Variants in HIVEP3 observed in about 807,000 individuals in gnomAD.
HIVEP3 encodes the protein HIVEP zinc finger 3, also known as transcription factor HIVEP3.
In HIVEP3, 49 loss-of-function variants were observed where a neutral mutation model predicts 152.8. The ratio of observed to expected loss-of-function variants is 0.32; its 90% CI spans 0.26 to 0.41. The LOEUF (loss-of-function observed/expected upper bound fraction) is 0.41, where lower values mean the gene tolerates loss of function less well. Among genes scored for constraint, HIVEP3 ranks in the 10% least tolerant of loss-of-function variants. HIVEP3 has a pLI of 1.00. For synonymous variants in HIVEP3, 1,269 were observed against 1,289.0 expected, an observed-to-expected ratio of 0.98 and a Z score of 0.33; for missense variants, 2,790 against 3,103.3, an observed-to-expected ratio of 0.90 and a Z score of 2.40.
intron 1 of HIVEP3, among the ~76,000 whole-genome samples, chr1:41,865,109 A>G (rs1394101745): frequency 6.6e-6 from 1 of 152,222 alleles, no homozygotes; most frequent in African/African-American, 2.4e-5. Context: ...TTCTCAATGT[A>G]GACACTTGGA....
intron 3 of HIVEP3, among the ~76,000 whole-genome samples, chr1:41,600,579 G>T (rs1206558169): frequency 1.3e-5 from 2 of 152,148 alleles, no homozygotes; most frequent in African/African-American, 2.4e-5. Flanking sequence ...TGTTTTATGG[G>T]TATACAGTTT....
rs1642860687 is a variant in HIVEP3 at position 41,525,039 on chromosome 1, C to T, written c.5208-129G>A. 5 of 836,584 alleles carry T rather than the reference C, an allele frequency of 6.0e-6. No homozygotes were observed. In the South Asian group the frequency reaches 8.7e-5, roughly 15 times the overall value. 51.8% of individuals were successfully genotyped at this position (836,584 alleles called of 1,614,324 possible). The stretch of plus-strand genomic sequence containing the variant: ...ACGCAAGGAATGGAGGCCACGGAAC[C>T]AGAGAGGACCACGAGAGTGGGAGGA... On this transcript the variant is annotated intron_variant, in intron 5 of 8. Coordinates refer to ENST00000372583, the MANE Select transcript of HIVEP3 (RefSeq NM_024503.5).
chr1:41,769,371 C>T (rs1648208121), intron 1 of HIVEP3, among the ~76,000 whole-genome samples: 1 of 152,190 alleles, frequency 6.6e-6, no homozygotes, highest in African/African-American at 2.4e-5. Context: ...TTTATCTCCC[C>T]CTGTCCCACT....
chr1:42,003,626 C>T (rs1158154670), intron 1 of HIVEP3, among the ~76,000 whole-genome samples: 3 of 152,136 alleles, frequency 2.0e-5, no homozygotes, highest in Admixed American at 2.0e-4. Flanking sequence ...ATGCCCCTCC[C>T]ATGAGGCTGC....
rs1163700365 is a variant in HIVEP3, at chr1:41,582,050, T to C, written c.2748A>G (p.Ser916=). ...AGGACTCGAAGCTGGACTCCCCTGATGATTGGGCCATCTCTGCCAGGCGCA... is the reference window on the plus strand; with the variant it reads ...AGGACTCGAAGCTGGACTCCCCTGACGATTGGGCCATCTCTGCCAGGCGCA... ...KRLRLAEMAQ[S]SGESSFESSV... is the part of the protein sequence containing the mutation. The change falls in exon 4 of 9, where the codon TCA becomes TCG. Residue 916 remains serine (S), a synonymous_variant. Transcript: ENST00000372583. This position sits in a 1 kb window ranked among gnomAD's most constrained non-coding sequence, Gnocchi z 4.7. The C allele has an allele frequency of 6.2e-7, 1 of 1,614,124 alleles. No individual in the cohort carries two copies. Among genetic ancestry groups the C allele is most frequent in the South Asian group, 1.1e-5 (1 of 91,072 alleles).
chr1:41,900,238 G>A (rs1644598717), intron 1 of HIVEP3, among the ~76,000 whole-genome samples: 1 of 152,110 alleles, frequency 6.6e-6, no homozygotes, highest in East Asian at 1.9e-4. Context: ...GGTCCCACAA[G>A]CCCTGTCCTA....
chr1:41,748,248 C>T (rs927842577), intron 1 of HIVEP3, among the ~76,000 whole-genome samples: 1 of 152,188 alleles, frequency 6.6e-6, no homozygotes, highest in African/African-American at 2.4e-5. Flanking sequence ...GGGTGAGGAA[C>T]TTGTCCCTCT....
At chr1:41,525,926 C>T (rs1261178806) in intron 5 of HIVEP3, among the ~76,000 whole-genome samples, 1 of 152,118 alleles carries the variant, frequency 6.6e-6, no homozygotes, top group East Asian at 1.9e-4. Context: ...GCCTGAGAGG[C>T]CACTGGCACG....
At position 41,585,253 on chromosome 1, in the gene HIVEP3, G is replaced by A. The variant is rs935134706; in HGVS notation, c.-456C>T. On this transcript the variant is annotated 5_prime_UTR_variant, in exon 4 of 9. Coordinates refer to ENST00000372583, the MANE Select transcript of HIVEP3 (RefSeq NM_024503.5). ...AGATGCCACGCTGGATGCTGGGGGT[G>A]GCTCTTCTCCCCTTTAGTTCTGGGT... The A allele has an allele frequency of 7.3e-5, 29 of 399,040 alleles. No individual in the cohort carries two copies. The highest frequency in any genetic ancestry group is 1.2e-4 in the Non-Finnish European group (27 of 226,236). The allele number at this position is 399,040 out of a possible 1,614,324, so 24.7% of individuals were successfully genotyped here.
At chr1:41,779,194 G>A (rs900637412) in intron 1 of HIVEP3, among the ~76,000 whole-genome samples, 1 of 152,072 alleles carries the variant, frequency 6.6e-6, no homozygotes, top group East Asian at 1.9e-4. Flanking sequence ...GCATCTCTCT[G>A]TTCTCCACCT....
intron 6 of HIVEP3, among the ~76,000 whole-genome samples, chr1:41,521,737 G>A (rs1308263364): frequency 5.3e-5 from 8 of 152,210 alleles, no homozygotes; most frequent in Non-Finnish European, 1.2e-4. Context: ...CGGAACCTCC[G>A]ATAAAAGGGC....
intron 2 of HIVEP3, among the ~76,000 whole-genome samples, chr1:41,694,876 G>A (rs566129146): frequency 6.6e-6 from 1 of 152,312 alleles, no homozygotes; most frequent in South Asian, 2.1e-4. Flanking sequence ...ACCCTACCTA[G>A]TAAGTGGTAG....
chr1:41,690,720 C>T (rs930139402), intron 2 of HIVEP3, among the ~76,000 whole-genome samples: 2 of 152,166 alleles, frequency 1.3e-5, no homozygotes, highest in African/African-American at 4.8e-5. Flanking sequence ...GAGTTCGAGA[C>T]CAGCCTGGCC....
intron 1 of HIVEP3, among the ~76,000 whole-genome samples, chr1:42,009,882 T>A (rs1432031718): frequency 6.6e-6 from 1 of 152,208 alleles, no homozygotes; most frequent in Non-Finnish European, 1.5e-5. Context: ...TCTGAAAGAT[T>A]TTCTCAATTT....
chr1:41,886,988 G>A (rs1412205126), intron 1 of HIVEP3, among the ~76,000 whole-genome samples: 1 of 151,742 alleles, frequency 6.6e-6, no homozygotes, highest in East Asian at 1.9e-4. Context: ...CTGTATTGTA[G>A]GACCCAAACC....
At chr1:41,721,766 C>G (rs535309476) in intron 1 of HIVEP3, among the ~76,000 whole-genome samples, 30 of 152,284 alleles carry the variant, frequency 2.0e-4, no homozygotes, top group Admixed American at 5.2e-4. Context: ...AATTGCTCTG[C>G]TGCTCACAGG....
At chr1:41,755,645 A>G (rs1647275175) in intron 1 of HIVEP3, among the ~76,000 whole-genome samples, 1 of 151,970 alleles carries the variant, frequency 6.6e-6, no homozygotes, top group African/African-American at 2.4e-5. Flanking sequence ...AAACAATCTA[A>G]TTAGAAAATG....
chr1:41,524,897 C>G lies in HIVEP3; in HGVS notation c.5221G>C (p.Glu1741Gln). The G allele has an allele frequency of 1.9e-6, 3 of 1,613,614 alleles. No homozygotes were observed. The highest frequency in any genetic ancestry group is 1.7e-4 in the Middle Eastern group (1 of 6,024). ...KIFEGGYKSN[E>Q]EYVYVRGRGR... ...CGGCCTCGCACATATACATACTCTTCGTTTGATTTGTACCTATGAGCAACA... is the reference window on the plus strand; with the variant it reads ...CGGCCTCGCACATATACATACTCTTGGTTTGATTTGTACCTATGAGCAACA... The change falls in exon 6 of 9, where the codon GAA (glutamate) becomes CAA (glutamine). Residue 1741 changes from glutamate to glutamine, a missense_variant. Glu to Gln is a conservative substitution (Grantham distance 29). Coordinates refer to ENST00000372583, the MANE Select transcript of HIVEP3 (RefSeq NM_024503.5).
chr1:41,816,644 A>G (rs1367500225), intron 1 of HIVEP3, among the ~76,000 whole-genome samples: 1 of 152,224 alleles, frequency 6.6e-6, no homozygotes, highest in East Asian at 1.9e-4. Flanking sequence ...CCACCACTGC[A>G]CTCCAGCCTG....
Sources: allele counts gnomAD v4.1 joint callset (sites outside exome capture counted in the v4.1 genomes callset), GRCh38; gene constraint gnomAD v4.1.1; non-coding constraint Gnocchi (gnomAD v3.1); transcripts MANE v1.5; gene names NCBI Gene and HGNC (gene_info 2026-07-23, HGNC 2026-07-21).